KLF8: variants seen among roughly 807,000 people sequenced by gnomAD.
KLF8 encodes Krueppel-like factor 8.
In KLF8, 10 loss-of-function variants were observed where a neutral mutation model predicts 18.2. The ratio of observed to expected loss-of-function variants is 0.55; its 90% CI spans 0.34 to 0.93. The LOEUF (loss-of-function observed/expected upper bound fraction) is 0.93, where lower values mean the gene tolerates loss of function less well. Among genes scored for constraint, KLF8 ranks in the 40% least tolerant of loss-of-function variants. The pLI, the probability that KLF8 is intolerant of heterozygous loss-of-function variation, is 0.02. For synonymous variants in KLF8, 109 were observed against 97.3 expected (o/e 1.12, Z -0.71); for missense variants, 264 against 277.9 (o/e 0.95, Z 0.36).
chrX:56,100,099 G>T, the KLF8 span, among the ~76,000 whole-genome samples: 1 of 111,090 alleles, frequency 9.0e-6, no homozygotes, highest in Non-Finnish European at 1.9e-5. Flanking sequence ...CTTCTTAGGG[G>T]CTACTCCAGC....
At chrX:56,202,559 T>TCCCCCCCC in the KLF8 span, among the ~76,000 whole-genome samples, 28 of 75,824 alleles carry the variant, frequency 3.7e-4, no homozygotes, top group Non-Finnish European at 6.0e-4. Context: ...CCATTAACCT[T>TCCCCCCCC]CCCCCCCCCT....
At chrX:56,263,402 G>A (rs1233300212) in intron 2 of KLF8, among the ~76,000 whole-genome samples, 1 of 111,786 alleles carries the variant, frequency 8.9e-6, no homozygotes, top group Admixed American at 9.5e-5. Context: ...GAAGGGAAAA[G>A]AAGATGGCAG....
At chrX:56,254,040 C>A (rs1325875914) in intron 2 of KLF8, among the ~76,000 whole-genome samples, 19 of 109,321 alleles carry the variant, frequency 1.7e-4, no homozygotes, top group African/African-American at 6.4e-4. Context: ...AGTGTGTCAA[C>A]AGTGAACAAT....
chrX:56,120,911 A>G, the KLF8 span, among the ~76,000 whole-genome samples: 1 of 111,347 alleles, frequency 9.0e-6, no homozygotes. Context: ...TCCGGGCCGA[A>G]CACAGTGGCT....
chrX:56,193,189 C>T, the KLF8 span, among the ~76,000 whole-genome samples: 2 of 112,552 alleles, frequency 1.8e-5, no homozygotes. Context: ...CAAAAGAATA[C>T]ATACAAGTGG....
the KLF8 span, among the ~76,000 whole-genome samples, chrX:56,016,283 G>A: frequency 8.9e-6 from 1 of 112,308 alleles, no homozygotes; most frequent in African/African-American, 3.2e-5. Flanking sequence ...CTGGCACAGA[G>A]TGAGTATTCA....
chrX:56,200,318 TAAAG>T, the KLF8 span, among the ~76,000 whole-genome samples: 35 of 110,487 alleles, frequency 3.2e-4, no homozygotes, highest in East Asian at 3.7e-3. Context: ...GGTGAACCAA[TAAAG>T]AGTCTAAAAT....
At position 56,285,592 on chromosome X, in the gene KLF8, T is replaced by C. The variant is rs1299866537; in HGVS notation, c.*1098T>C. 8.9e-6 allele frequency: 1 copy of C among 111,958 alleles called. No homozygotes were observed. Among genetic ancestry groups the C allele is most frequent in the Non-Finnish European group, 1.9e-5 (1 of 53,187 alleles). 9.2% of individuals were successfully genotyped at this position (111,958 alleles called of 1,213,427 possible). On this transcript the variant is annotated 3_prime_UTR_variant, in exon 6 of 6. Coordinates refer to ENST00000468660, the MANE Select transcript of KLF8 (RefSeq NM_007250.5). ...TGGAATGTTGTTCACTCCATGGAAT[T>C]ATTGGCATTCATTCCTGTGTTTCAA... is the stretch of plus-strand genomic sequence containing the variant.
chrX:56,089,118 C>CA, the KLF8 span, among the ~76,000 whole-genome samples: 1 of 111,179 alleles, frequency 9.0e-6, no homozygotes, highest in Admixed American at 9.7e-5. Context: ...CAGGTCCATC[C>CA]ACCACTGAAG....
At chrX:55,956,129 T>TTATCTATC in the KLF8 span, among the ~76,000 whole-genome samples, 1,635 of 95,483 alleles carry the variant, frequency 0.017, 16 homozygotes, top group East Asian at 0.025. Flanking sequence ...ATCTATCTAT[T>TTATCTATC]TATCTATCTA....
At chrX:56,170,841 C>T in the KLF8 span, among the ~76,000 whole-genome samples, 1 of 111,309 alleles carries the variant, frequency 9.0e-6, no homozygotes, top group African/African-American at 3.3e-5. Context: ...GGCTATAGAA[C>T]ACCAAGCAAA....
At chrX:56,162,550 G>A in the KLF8 span, among the ~76,000 whole-genome samples, 1 of 111,789 alleles carries the variant, frequency 8.9e-6, no homozygotes, top group Admixed American at 9.5e-5. Flanking sequence ...GGCTCTGTGG[G>A]CATGGGACCC....
At chrX:56,005,351 A>G in the KLF8 span, among the ~76,000 whole-genome samples, 1 of 111,964 alleles carries the variant, frequency 8.9e-6, no homozygotes, top group Non-Finnish European at 1.9e-5. Flanking sequence ...ATGTGCCAGG[A>G]GCAGTGGCTG....
At chrX:55,962,914 C>T in the KLF8 span, among the ~76,000 whole-genome samples, 1 of 112,564 alleles carries the variant, frequency 8.9e-6, no homozygotes, top group Non-Finnish European at 1.9e-5. Flanking sequence ...GAACAGTCAG[C>T]ACTGTGTCTG....
At chrX:56,197,056 G>C in the KLF8 span, among the ~76,000 whole-genome samples, 10 of 111,567 alleles carry the variant, frequency 9.0e-5, no homozygotes, top group African/African-American at 3.3e-4. Flanking sequence ...TGAGAACAAA[G>C]ACACAATGTA....
intron 5 of KLF8, 88 bp from the exon 6 acceptor site, chrX:56,284,225 C>A: frequency 1.3e-6 from 1 of 750,227 alleles, no homozygotes; most frequent in African/African-American, 2.2e-5. Context: ...TCACTAAAGC[C>A]TTGATACGAG....
the KLF8 span, among the ~76,000 whole-genome samples, chrX:55,970,894 T>A: frequency 2.1e-4 from 23 of 111,192 alleles, 1 homozygote; most frequent in South Asian, 6.8e-3. Context: ...TGTAAAACAC[T>A]GAGGAAAGAA....
the KLF8 span, among the ~76,000 whole-genome samples, chrX:56,098,753 A>G: frequency 9.0e-6 from 1 of 111,597 alleles, no homozygotes; most frequent in Non-Finnish European, 1.9e-5. Context: ...GGCAAGAGAA[A>G]GAAATAAAAA....
At chrX:56,015,883 C>T in the KLF8 span, among the ~76,000 whole-genome samples, 1 of 111,882 alleles carries the variant, frequency 8.9e-6, no homozygotes, top group East Asian at 2.8e-4. Flanking sequence ...ATTTTGGGAA[C>T]AGTGGACAAT....
Sources: allele counts gnomAD v4.1 joint callset (sites outside exome capture counted in the v4.1 genomes callset), GRCh38; gene constraint gnomAD v4.1.1; transcripts MANE v1.5; gene names NCBI Gene and HGNC (gene_info 2026-07-23, HGNC 2026-07-21).